Variants in PTPRD observed in about 807,000 individuals in gnomAD.
The protein encoded by PTPRD is protein tyrosine phosphatase receptor type D, also known as receptor-type tyrosine-protein phosphatase delta.
In PTPRD, 34 loss-of-function variants were observed where a neutral mutation model predicts 214.5. The ratio of observed to expected loss-of-function variants is 0.16; its 90% confidence interval spans 0.12 to 0.21. The LOEUF (loss-of-function observed/expected upper bound fraction) is 0.21. PTPRD is among the 10% of genes least tolerant of loss of function. PTPRD has a pLI of 1.00. For missense variants in PTPRD, 2,545 were observed against 2,398.7 expected, an observed-to-expected ratio of 1.06 and a Z score of -1.27; for synonymous variants, 1,128 against 845.7, an observed-to-expected ratio of 1.33 and a Z score of -5.79.
At position 9,651,303 on chromosome 9, in the gene PTPRD, A is replaced by G. The variant is rs528673562; in HGVS notation, c.-286-76522T>C. Among the ~76,000 whole-genome samples, 16 of 152,268 alleles carry G rather than the reference A, an allele frequency of 1.1e-4. No homozygotes were observed. In the East Asian group the frequency reaches 2.9e-3, roughly 28 times the overall value. ...AGATTTGTTACATAGGCAAACTTGT[A>G]TCATTGAGGGTTTGTTTTATAGATT... On this transcript the variant is annotated intron_variant, in intron 7 of 45. Coordinates refer to ENST00000381196, the MANE Select transcript of PTPRD (RefSeq NM_002839.4).
chr9:9,878,588 G>A (rs2067615899), intron 5 of PTPRD, among the ~76,000 whole-genome samples: 1 of 152,198 alleles, frequency 6.6e-6, no homozygotes, highest in Admixed American at 6.5e-5. Flanking sequence ...ACCTATAAGA[G>A]TAAGGTCTGT....
intron 11 of PTPRD, among the ~76,000 whole-genome samples, chr9:8,774,794 A>G (rs959644395): frequency 6.6e-6 from 1 of 152,098 alleles, no homozygotes; most frequent in African/African-American, 2.4e-5. Context: ...TCGGCCTCCC[A>G]AAGTGCTGGA....
chr9:9,664,408 A>G (rs974999849), intron 7 of PTPRD, among the ~76,000 whole-genome samples: 1 of 151,638 alleles, frequency 6.6e-6, no homozygotes, highest in East Asian at 1.9e-4. Flanking sequence ...TACATTAACT[A>G]CATTTATGAA....
intron 9 of PTPRD, among the ~76,000 whole-genome samples, chr9:9,348,655 A>C (rs990812413): frequency 1.3e-5 from 2 of 152,138 alleles, no homozygotes; most frequent in African/African-American, 2.4e-5. Flanking sequence ...CCCAAGTACA[A>C]TGTCTAGTAA....
chr9:10,208,497 G>C (rs1054039867), intron 3 of PTPRD, among the ~76,000 whole-genome samples: 68 of 152,180 alleles, frequency 4.5e-4, no homozygotes, highest in African/African-American at 1.6e-3. Context: ...CTGGGCGACA[G>C]AGCGAGACTG....
At chr9:9,003,611 TAAA>T (rs2099434650) in intron 11 of PTPRD, among the ~76,000 whole-genome samples, 2 of 152,048 alleles carry the variant, frequency 1.3e-5, no homozygotes, top group African/African-American at 4.8e-5. Context: ...AACTCTAGCA[TAAA>T]GGCTTTTTAG....
intron 2 of PTPRD, among the ~76,000 whole-genome samples, chr9:10,493,341 T>G (rs1371462950): frequency 1.3e-5 from 2 of 152,038 alleles, no homozygotes; most frequent in Non-Finnish European, 2.9e-5. Flanking sequence ...CTACCTGAAT[T>G]CAAACTATAC....
chr9:9,805,970 C>A (rs953039771), intron 5 of PTPRD, among the ~76,000 whole-genome samples: 2 of 152,108 alleles, frequency 1.3e-5, no homozygotes, highest in African/African-American at 4.8e-5. Context: ...AAATAGCTTA[C>A]ACAGAGGTAG....
chr9:8,323,128 C>A (rs1043575490), intron 44 of PTPRD, among the ~76,000 whole-genome samples: 1 of 152,078 alleles, frequency 6.6e-6, no homozygotes, highest in Non-Finnish European at 1.5e-5. Context: ...ATAAGACATC[C>A]GTTTATAGCA....
chr9:8,366,702 G>C (rs1414285846), intron 39 of PTPRD, among the ~76,000 whole-genome samples: 1 of 152,160 alleles, frequency 6.6e-6, no homozygotes, highest in Non-Finnish European at 1.5e-5. Context: ...ATTAAACAAT[G>C]AGAAAGGGAC....
In PTPRD at chr9:8,692,847, T is replaced by C. The variant is rs1597166049; in HGVS notation, c.64+40933A>G. ...TTTTAACATGTGTCAAGAGTTACTG[T>C]CAACTTAATCCACAAGACAATAGAA... On this transcript the variant is annotated intron_variant, in intron 12 of 45. Transcript: ENST00000381196. Among the ~76,000 whole-genome samples the C allele has an allele frequency of 2.0e-5, 3 of 152,184 alleles. No homozygotes were observed. In the South Asian group the frequency reaches 6.2e-4, roughly 31 times the overall value.
In PTPRD at chr9:9,165,050, T is replaced by C. The variant is rs1455292588; in HGVS notation, c.-143+18254A>G. Among the ~76,000 whole-genome samples, 15 of 71,452 alleles carry C rather than the reference T, an allele frequency of 2.1e-4. No individual in the cohort carries two copies. In the Admixed American group the frequency reaches 2.4e-3, roughly 12 times the overall value. The allele number at this position is 71,452 out of a possible 152,430, so 46.9% of individuals were successfully genotyped here. A position where few individuals can be genotyped will look rare whatever the true frequency, so the allele number is the denominator to read the frequency against. On this transcript the variant is annotated intron_variant, in intron 10 of 45. Coordinates refer to ENST00000381196, the MANE Select transcript of PTPRD (RefSeq NM_002839.4). ...CTGGGTGACAGAGCAAGACTCCATC[T>C]CAAAAAAAAAAAAAAAAAATTCCAA...
At chr9:9,593,338 G>A (rs1487547085) in intron 7 of PTPRD, among the ~76,000 whole-genome samples, 1 of 150,998 alleles carries the variant, frequency 6.6e-6, no homozygotes, top group Non-Finnish European at 1.5e-5. Context: ...TGCAGAAGGA[G>A]TAAGAAATAC....
chr9:10,582,728 A>T (rs150598096), intron 2 of PTPRD, among the ~76,000 whole-genome samples: 1 of 152,314 alleles, frequency 6.6e-6, no homozygotes, highest in East Asian at 1.9e-4. Context: ...TGACAAAAAA[A>T]CTTATATTGT....
chr9:10,190,668 A>G lies in PTPRD; in HGVS notation c.-545+150295T>C, dbSNP rs190305447. ...GGAAGGCAGAAAGTACAGTAAGCCA[A>G]GATCATGCCATTGCACTCCAGCCTG... On this transcript the variant is annotated intron_variant, in intron 3 of 45. Transcript: ENST00000381196. 3.4e-5 allele frequency among the ~76,000 whole-genome samples: 5 copies of G among 147,846 alleles called. No homozygotes were observed. In the East Asian group the frequency reaches 1.0e-3, roughly 30 times the overall value.
chr9:8,348,688 G>A (rs1033263115), intron 39 of PTPRD, among the ~76,000 whole-genome samples: 4 of 152,048 alleles, frequency 2.6e-5, no homozygotes, highest in Non-Finnish European at 4.4e-5. Context: ...AAGATTCTTG[G>A]CTGTTCCTCA....
intron 39 of PTPRD, among the ~76,000 whole-genome samples, chr9:8,349,371 T>C (rs995050396): frequency 1.3e-5 from 2 of 152,194 alleles, no homozygotes; most frequent in African/African-American, 4.8e-5. Context: ...TTTTGTTTCC[T>C]TCTCCAATTT....
chr9:10,498,621 A>C (rs1038131816), intron 2 of PTPRD, among the ~76,000 whole-genome samples: 4 of 151,934 alleles, frequency 2.6e-5, no homozygotes, highest in African/African-American at 9.7e-5. Context: ...TAATTTGACT[A>C]TAATAGATAT....
intron 11 of PTPRD, among the ~76,000 whole-genome samples, chr9:8,766,030 A>C (rs1208103124): frequency 2.0e-5 from 3 of 152,138 alleles, no homozygotes; most frequent in Non-Finnish European, 4.4e-5. Context: ...ATAGCCCAGC[A>C]TCAGGGACTG....
Sources: allele counts gnomAD v4.1 joint callset (sites outside exome capture counted in the v4.1 genomes callset), GRCh38; gene constraint gnomAD v4.1.1; transcripts MANE v1.5; gene names NCBI Gene and HGNC (gene_info 2026-07-23, HGNC 2026-07-21).